Variants in GUCY2F observed in about 807,000 individuals in gnomAD.
GUCY2F encodes retinal guanylyl cyclase 2.
A neutral mutation model predicts 73.1 loss-of-function variants in GUCY2F; 61 were observed. That is an observed-to-expected ratio of 0.83 (90% CI 0.68 to 1.03). The LOEUF is 1.03. Ranked by LOEUF, GUCY2F falls within the 50% of genes least tolerant of loss-of-function variation. The pLI, the probability that GUCY2F is intolerant of heterozygous loss-of-function variation, is 0.00. For missense variants in GUCY2F, 912 were observed against 854.3 expected (o/e 1.07, Z -0.84); for synonymous variants, 331 against 307.8 (o/e 1.08, Z -0.79).
At chrX:109,409,307 C>T in intron 8 of GUCY2F, 139 bp from the exon 9 acceptor site, 1 of 426,109 alleles carries the variant, frequency 2.3e-6, no homozygotes, top group Non-Finnish European at 4.1e-6. Context: ...ATGATGATCT[C>T]CAACCCCTAG....
intron 2 of GUCY2F, among the ~76,000 whole-genome samples, chrX:109,473,258 C>A (rs1292354155): frequency 1.8e-5 from 2 of 111,932 alleles, no homozygotes; most frequent in East Asian, 5.6e-4. Context: ...CCATAACCAT[C>A]CTCTCTGGGT....
At chrX:109,393,160 G>A in intron 12 of GUCY2F, 105 bp from the exon 13 acceptor site, 1 of 498,401 alleles carries the variant, frequency 2.0e-6, no homozygotes, top group Non-Finnish European at 3.5e-6. Context: ...AAATGCCAGG[G>A]CAGGAAAGGT....
At chrX:109,416,972 T>C (rs1430056507) in intron 8 of GUCY2F, among the ~76,000 whole-genome samples, 1 of 102,008 alleles carries the variant, frequency 9.8e-6, no homozygotes, top group Non-Finnish European at 2.0e-5. Flanking sequence ...ATCTTTAATA[T>C]GCCAAAAGAA....
chrX:109,447,860 T>A (rs776316728), intron 6 of GUCY2F, among the ~76,000 whole-genome samples: 1 of 110,517 alleles, frequency 9.0e-6, no homozygotes, highest in Non-Finnish European at 1.9e-5. Flanking sequence ...AATTTTGACA[T>A]TTAATTAACA....
chrX:109,454,872 T>G lies in GUCY2F; in HGVS notation c.1033-1013A>C, dbSNP rs760128194. On this transcript the variant is annotated intron_variant, in intron 3 of 19. Transcript: ENST00000218006. ...GAAAGCTATGGTCATGCCATTTTAC[T>G]GAGCATCAGGGAAAGCTGATACTTG... 4.5e-5 allele frequency among the ~76,000 whole-genome samples: 5 copies of G among 111,411 alleles called. No homozygotes were observed. The South Asian group carries it at 1.9e-3, about 43-fold the overall frequency.
chrX:109,431,440 T>C (rs1003288094), intron 7 of GUCY2F, among the ~76,000 whole-genome samples: 2 of 111,462 alleles, frequency 1.8e-5, no homozygotes, highest in African/African-American at 3.3e-5. Flanking sequence ...GGCTCACGCC[T>C]GTAATCCTAG....
chrX:109,397,836 A>AT (rs77814407), intron 11 of GUCY2F, among the ~76,000 whole-genome samples: 363 of 99,003 alleles, frequency 3.7e-3, no homozygotes, highest in Middle Eastern at 0.021. Flanking sequence ...GAGGTTATGT[A>AT]TTTTTTTTTT....
rs1569365688 is a variant in GUCY2F at position 109,430,321 on chromosome X, C to T, written c.1777G>A (p.Asp593Asn). ...DLKSIKSRAS[D>N]VFEMMKDLRH... ...ATTTCTCATACCATTTCGAACACAT[C>T]ACTTGCTCTTGATTTGATGGACTTA... is the stretch of plus-strand genomic sequence containing the variant. The change falls in exon 8 of 20, where the codon GAT (aspartate) becomes AAT (asparagine). Residue 593 changes from aspartate (D) to asparagine (N), a missense_variant. Transcript: ENST00000218006. 1.9e-6 allele frequency: 2 copies of T among 1,070,045 alleles called. No individual in the cohort carries two copies. Among genetic ancestry groups the T allele is most frequent in the Non-Finnish European group, 1.3e-6 (1 of 767,707 alleles). The allele number at this position is 1,070,045 out of a possible 1,213,427, so 88.2% of individuals were successfully genotyped here. A position where few individuals can be genotyped will look rare whatever the true frequency, so the allele number is the denominator to read the frequency against.
chrX:109,461,335 T>G (rs774322436), intron 3 of GUCY2F, among the ~76,000 whole-genome samples: 26 of 112,460 alleles, frequency 2.3e-4, no homozygotes, highest in African/African-American at 8.0e-4. Context: ...TATAAACCTT[T>G]TAGCATTTCT....
rs2147277593 is a variant in GUCY2F, at chrX:109,453,605, C to T, written c.1287G>A (p.Glu429=). The T allele has an allele frequency of 8.3e-7, 1 of 1,207,356 alleles. No homozygotes were observed. The highest frequency in any genetic ancestry group is 2.2e-5 in the Admixed American group (1 of 46,012). The change falls in exon 4 of 20, where the codon GAG becomes GAA. Residue 429 remains glutamate (E), a synonymous_variant. Transcript: ENST00000218006. ...TAGGGGTCCCTCCGAAACGTAGCAG[C>T]TCCATTTCCATGTCCACAGTGTAGG... is the stretch of plus-strand genomic sequence containing the variant. ...HSTYTVDMEM[E]LLRFGGTPIH... is the part of the protein sequence containing the mutation.
intron 5 of GUCY2F, among the ~76,000 whole-genome samples, chrX:109,451,618 C>T (rs1932135436): frequency 8.9e-6 from 1 of 112,000 alleles, no homozygotes; most frequent in African/African-American, 3.2e-5. Flanking sequence ...GCAAAATCTG[C>T]CTAATTCTTG....
intron 9 of GUCY2F, among the ~76,000 whole-genome samples, chrX:109,407,100 T>C (rs765342683): frequency 8.0e-5 from 9 of 112,085 alleles, no homozygotes; most frequent in Non-Finnish European, 1.7e-4. Flanking sequence ...GTGGGAAAGT[T>C]TGGACTCTCC....
intron 15 of GUCY2F, among the ~76,000 whole-genome samples, chrX:109,387,583 T>C (rs993561414): frequency 9.0e-6 from 1 of 111,274 alleles, no homozygotes; most frequent in Admixed American, 9.5e-5. Flanking sequence ...TGAGAGTATG[T>C]AGGAGGAGAA....
chrX:109,424,666 T>C (rs1931442916), intron 8 of GUCY2F, among the ~76,000 whole-genome samples: 1 of 111,307 alleles, frequency 9.0e-6, no homozygotes, highest in African/African-American at 3.3e-5. Context: ...GGACAGGAGA[T>C]ACATGGGAAC....
At chrX:109,403,191 C>T (rs73639123) in intron 10 of GUCY2F, among the ~76,000 whole-genome samples, 13,510 of 110,046 alleles carry the variant, frequency 0.12, 1,981 homozygotes, top group African/African-American at 0.42. Context: ...CCTCTTTCTC[C>T]CCCTCATCTA....
intron 11 of GUCY2F, among the ~76,000 whole-genome samples, chrX:109,398,262 G>C (rs776584935): frequency 5.4e-5 from 6 of 110,837 alleles, no homozygotes; most frequent in South Asian, 8.0e-4. Context: ...CAAAGGAGTA[G>C]AGGGGACTGT....
rs142686342 is a variant in GUCY2F at position 109,457,489 on chromosome X, C to T, written c.1033-3630G>A. ...AGGATAATTGAATTCTTGTTATTAA[C>T]GGCAGTACCTCCAATAATGCATGAT... On this transcript the variant is annotated intron_variant, in intron 3 of 19. Coordinates refer to ENST00000218006, the MANE Select transcript of GUCY2F (RefSeq NM_001522.3). 9.4e-3 allele frequency among the ~76,000 whole-genome samples: 1,054 copies of T among 112,042 alleles called. 11 individuals are homozygous for T. The highest frequency in any genetic ancestry group is 0.031 in the African/African-American group (970 of 30,829).
At chrX:109,480,366 G>A (rs1932757537) in intron 1 of GUCY2F, among the ~76,000 whole-genome samples, 1 of 111,757 alleles carries the variant, frequency 8.9e-6, no homozygotes, top group Admixed American at 9.5e-5. Context: ...CTGGGGAGAA[G>A]TTTATGCCAA....
At chrX:109,398,512 G>A (rs767067690) in intron 11 of GUCY2F, 37 bp downstream of exon 11, 19 of 1,168,829 alleles carry the variant, frequency 1.6e-5, no homozygotes, top group South Asian at 7.6e-5. Context: ...CTCGGTCATG[G>A]TGGACCCCTG....
Sources: allele counts gnomAD v4.1 joint callset (sites outside exome capture counted in the v4.1 genomes callset), GRCh38; gene constraint gnomAD v4.1.1; transcripts MANE v1.5; gene names NCBI Gene and HGNC (gene_info 2026-07-23, HGNC 2026-07-21).